MYOM2: variants seen among roughly 807,000 people sequenced by gnomAD.
MYOM2 encodes myomesin 2.
In MYOM2, 254 loss-of-function variants were observed where a neutral mutation model predicts 187.6. That is an observed-to-expected ratio of 1.35 (90% CI 1.22 to 1.50). The LOEUF (loss-of-function observed/expected upper bound fraction) is 1.50. Ranked by LOEUF, MYOM2 falls within the 40% of genes most tolerant of loss-of-function variation. The pLI is 0.00. For synonymous variants in MYOM2, 981 were observed against 753.8 expected (o/e 1.30, Z -4.94); for missense variants, 2,796 against 1,924.0 (o/e 1.45, Z -8.48).
In MYOM2 at chr8:2,145,249, C is replaced by T. The variant is rs962115715; in HGVS notation, c.*268C>T. On this transcript the variant is annotated 3_prime_UTR_variant, in exon 37 of 37. Transcript: ENST00000262113. ...TGACAGAGAGTGGGTTGGCAGACAA[C>T]ACACTAGAATTTTCACGGGTGTGGG... 3.6e-6 allele frequency: 2 copies of T among 559,498 alleles called. No homozygotes were observed. The highest frequency in any genetic ancestry group is 6.2e-6 in the Non-Finnish European group (2 of 320,124). 34.7% of individuals were successfully genotyped at this position (559,498 alleles called of 1,614,324 possible). A position where few individuals can be genotyped will look rare whatever the true frequency, so the allele number is the denominator to read the frequency against.
chr8:2,072,485 C>G lies in MYOM2; in HGVS notation c.934C>G (p.Pro312Ala), dbSNP rs1206425309. 6.2e-7 allele frequency: 1 copy of G among 1,613,614 alleles called. No individual in the cohort carries two copies. Among genetic ancestry groups the G allele is most frequent in the African/African-American group, 1.3e-5 (1 of 74,942 alleles). Reference protein sequence around the residue: ...LVTPDLKRVQPRAEWYRDDVL... With the variant: ...LVTPDLKRVQARAEWYRDDVL... Reference sequence around the variant, plus strand: ...GACGCCGGACCTGAAGCGGGTGCAGCCGCGCGCCGAGTGGTACCGCGATGG... The same window carrying G: ...GACGCCGGACCTGAAGCGGGTGCAGGCGCGCGCCGAGTGGTACCGCGATGG... The change falls in exon 9 of 37, where the codon CCG (proline) becomes GCG (alanine). Residue 312 changes from proline (P) to alanine (A), a missense_variant. Physicochemically the swap from Pro to Ala is conservative, Grantham distance 27. Transcript: ENST00000262113.
chr8:2,106,195 A>G, intron 21 of MYOM2, 47 bp from the exon 22 acceptor site: 1 of 1,581,918 alleles, frequency 6.3e-7, no homozygotes, highest in Non-Finnish European at 8.6e-7. Flanking sequence ...GAGAGTTGAA[A>G]GAACACCGTG....
intron 32 of MYOM2, among the ~76,000 whole-genome samples, chr8:2,140,290 C>A (rs748101183): frequency 6.6e-6 from 1 of 150,910 alleles, no homozygotes; most frequent in Non-Finnish European, 1.5e-5. Context: ...CCAATGGACG[C>A]TTGGGCTGCC....
rs144235879 is a variant in MYOM2 at position 2,101,044 on chromosome 8, G to C, written c.2609G>C (p.Arg870Pro). The C allele has an allele frequency of 6.2e-7, 1 of 1,614,066 alleles. No homozygotes were observed. Among genetic ancestry groups the C allele is most frequent in the Non-Finnish European group, 8.5e-7 (1 of 1,180,000 alleles). ...GTCAATCAGACGACAACAGCCAGCC[G>C]TTATTTAAAGGTAAGTCTTGGCCGG... ...ITVNQTTTASRYLKVSDLQQG... is the reference protein window; with the variant it reads ...ITVNQTTTASPYLKVSDLQQG... Residue 870 changes from arginine (R) to proline (P), a missense_variant, in exon 20 of 37, where the codon CGT becomes CCT. By Grantham distance (103) the Arg-to-Pro change is moderately radical. Coordinates refer to ENST00000262113, the MANE Select transcript of MYOM2 (RefSeq NM_003970.4).
chr8:2,074,829 TG>T (rs915154873), intron 10 of MYOM2, among the ~76,000 whole-genome samples: 2 of 152,194 alleles, frequency 1.3e-5, no homozygotes, highest in African/African-American at 4.8e-5. Context: ...CAGCAGCCTC[TG>T]GGTTTAGGGG....
At chr8:2,072,270 CTTCGGCCA>C (rs1437923083) in intron 8 of MYOM2, 67 bp from the exon 9 acceptor site, 9 of 1,136,928 alleles carry the variant, frequency 7.9e-6, no homozygotes, top group Non-Finnish European at 1.0e-5. Context: ...GCTCTCTGCC[CTTCGGCCA>C]TGAAAGCCTC....
At chr8:2,059,839 A>T (rs11136460) in intron 6 of MYOM2, among the ~76,000 whole-genome samples, 105,794 of 150,416 alleles carry the variant, frequency 0.7, 37,775 homozygotes, top group East Asian at 0.94. Context: ...ACTTCCCAGG[A>T]TCAAGCGATT....
At chr8:2,097,074 G>T (rs994857550) in intron 18 of MYOM2, 1 of 969,686 alleles carries the variant, frequency 1.0e-6, no homozygotes, top group African/African-American at 1.7e-5. Flanking sequence ...GCTCCCGTCC[G>T]GACTGTGGGG....
chr8:2,090,014 G>A lies in MYOM2; in HGVS notation c.1651G>A (p.Val551Met). 1 of 1,613,846 alleles carries A rather than the reference G, an allele frequency of 6.2e-7. No homozygotes were observed. ...TTTCTGTTTCTCTTTGTAGTCCGTGGTGGGGAGCGGCAGCTGGCAGAGAGT... is the reference window on the plus strand; with the variant it reads ...TTTCTGTTTCTCTTTGTAGTCCGTGATGGGGAGCGGCAGCTGGCAGAGAGT... Reference protein sequence around the residue: ...PLMYFIEKSVVGSGSWQRVNA... With the variant: ...PLMYFIEKSVMGSGSWQRVNA... The change falls in exon 15 of 37, where the codon GTG (valine) becomes ATG (methionine). Residue 551 changes from valine to methionine, a missense_variant. Coordinates refer to ENST00000262113, the MANE Select transcript of MYOM2 (RefSeq NM_003970.4).
At chr8:2,120,696 AAT>A (rs1346164466) in intron 28 of MYOM2, among the ~76,000 whole-genome samples, 17 of 83,986 alleles carry the variant, frequency 2.0e-4, no homozygotes, top group African/African-American at 6.2e-4. Flanking sequence ...ATAAATATAT[AAT>A]ATATATATTT....
At chr8:2,065,835 C>A (rs1463916604) in intron 6 of MYOM2, among the ~76,000 whole-genome samples, 1 of 152,164 alleles carries the variant, frequency 6.6e-6, no homozygotes, top group Admixed American at 6.5e-5. Flanking sequence ...TGTTGGGCTT[C>A]GTGCCTGACA....
At chr8:2,061,356 C>T (rs1472516855) in intron 6 of MYOM2, among the ~76,000 whole-genome samples, 1 of 152,124 alleles carries the variant, frequency 6.6e-6, no homozygotes, top group Non-Finnish European at 1.5e-5. Flanking sequence ...AGGGACTAGT[C>T]TTTGTCCCCG....
intron 3 of MYOM2, among the ~76,000 whole-genome samples, chr8:2,053,113 T>C (rs1204224433): frequency 6.6e-6 from 1 of 152,234 alleles, no homozygotes; most frequent in Non-Finnish European, 1.5e-5. Flanking sequence ...ATTTTCTCTA[T>C]ATCTTCAAAG....
chr8:2,127,596 A>T (rs1025945902), intron 31 of MYOM2: 1 of 163,316 alleles, frequency 6.1e-6, no homozygotes, highest in Non-Finnish European at 1.3e-5. Flanking sequence ...TGACGCGGTG[A>T]CGCAGCCGCA....
intron 15 of MYOM2, among the ~76,000 whole-genome samples, 160 bp from the exon 16 acceptor site, chr8:2,092,186 G>A (rs570532424): frequency 6.6e-6 from 1 of 151,956 alleles, no homozygotes; most frequent in East Asian, 1.9e-4. Context: ...TCGGGTGGTC[G>A]GCCCGGGGCT....
chr8:2,140,711 G>C lies in MYOM2; in HGVS notation c.3801-12G>C. 6.2e-7 allele frequency: 1 copy of C among 1,612,970 alleles called. No individual in the cohort carries two copies. Among genetic ancestry groups the C allele is most frequent in the East Asian group, 2.2e-5 (1 of 44,826 alleles). On this transcript the variant is annotated splice_polypyrimidine_tract_variant and intron_variant, in intron 32 of 36. Coordinates refer to ENST00000262113, the MANE Select transcript of MYOM2 (RefSeq NM_003970.4). ...ACCCTAACTCAGATACGTTCCTGTT[G>C]CTCTTTTCAAGAGATGCTAAGATCT...
At position 2,098,862 on chromosome 8, in the gene MYOM2, C is replaced by T. The variant is rs181752146; in HGVS notation, c.2319C>T (p.Asp773=). The T allele has an allele frequency of 3.7e-4, 591 of 1,610,988 alleles. 5 individuals carry two copies. The East Asian group carries it at 0.011, about 29-fold the overall frequency. ...SPSKPTILTV[D]GLTEGSLYEF... ...TTTAAACAAAATCTGAATAGGTGGA[C>T]GGCTTGACGGAAGGCTCACTCTACG... Residue 773 remains aspartate (D), a synonymous_variant, in exon 19 of 37, where the codon GAC becomes GAT. Coordinates refer to ENST00000262113, the MANE Select transcript of MYOM2 (RefSeq NM_003970.4).
intron 12 of MYOM2, 64 bp from the exon 13 acceptor site, chr8:2,079,496 G>C (rs1239537334): frequency 1.3e-6 from 2 of 1,529,786 alleles, no homozygotes; most frequent in Non-Finnish European, 1.8e-6. Flanking sequence ...CACAGAATGA[G>C]GGAAAACGGG....
chr8:2,106,664 A>G (rs1226097246), intron 23 of MYOM2, 67 bp downstream of exon 23: 3 of 1,176,596 alleles, frequency 2.5e-6, no homozygotes, highest in Non-Finnish European at 3.6e-6. Flanking sequence ...TGACACCAAC[A>G]TAGAAAAGAC....
Sources: gnomAD v4.1 joint callset for allele counts (sites outside exome capture counted in the v4.1 genomes callset) on GRCh38, gnomAD v4.1.1 for gene constraint, MANE v1.5 for transcripts, NCBI Gene and HGNC (gene_info 2026-07-23, HGNC 2026-07-21) for gene names.